CEP120: variants seen among roughly 807,000 people sequenced by gnomAD.
CEP120 encodes centrosomal protein 120.
CEP120 carries 113 observed loss-of-function variants against 126.5 expected under a neutral mutation model. That is an observed-to-expected ratio of 0.89 (90% CI 0.77 to 1.04). The LOEUF (loss-of-function observed/expected upper bound fraction) is 1.04, where lower values mean the gene tolerates loss of function less well. Ranked by LOEUF, CEP120 falls within the 50% of genes least tolerant of loss-of-function variation. The probability of loss-of-function intolerance (pLI) is 0.00; values close to 1 mark genes in which losing one functional copy is unlikely to be tolerated. For synonymous variants in CEP120, 400 were observed against 394.3 expected (o/e 1.01, Z -0.17); for missense variants, 1,230 against 1,155.7 (o/e 1.06, Z -0.93).
intron 15 of CEP120, among the ~76,000 whole-genome samples, chr5:123,377,943 A>G (rs1178518110): frequency 6.6e-6 from 1 of 152,144 alleles, no homozygotes; most frequent in Non-Finnish European, 1.5e-5. Context: ...ACACTCTGAC[A>G]TACTTTTCGA....
At chr5:123,372,552 A>G in intron 17 of CEP120, 98 bp downstream of exon 17, 1 of 1,225,404 alleles carries the variant, frequency 8.2e-7, no homozygotes, top group Non-Finnish European at 1.2e-6. Flanking sequence ...ACATCAGAAC[A>G]CTACAGCAAA....
At chr5:123,374,263 A>G (rs1771053472) in intron 16 of CEP120, among the ~76,000 whole-genome samples, 1 of 152,080 alleles carries the variant, frequency 6.6e-6, no homozygotes, top group African/African-American at 2.4e-5. Flanking sequence ...AAGAAGCTAA[A>G]TAATTGAGGC....
At chr5:123,386,785 T>A in intron 9 of CEP120, 118 bp from the exon 10 acceptor site, 1 of 749,702 alleles carries the variant, frequency 1.3e-6, no homozygotes. Context: ...TACAACTTTT[T>A]AATAGAAACA....
chr5:123,390,006 C>G lies in CEP120; in HGVS notation c.1173G>C (p.Gln391His), dbSNP rs1263466255. 6.2e-7 allele frequency: 1 copy of G among 1,614,102 alleles called. No individual in the cohort carries two copies. The highest frequency in any genetic ancestry group is 8.5e-7 in the Non-Finnish European group (1 of 1,180,004). The change falls in exon 8 of 20, where the codon CAG becomes CAC. Residue 391 changes from glutamine (Q) to histidine (H), a missense_variant. By Grantham distance (24) the Gln-to-His change is conservative. Coordinates refer to ENST00000306467, the MANE Select transcript of CEP120 (RefSeq NM_001375405.1). Reference protein sequence around the residue: ...PTVSPVPSHNQSPPTKDDATE... With the variant: ...PTVSPVPSHNHSPPTKDDATE... ...TTGCATCATCTTTTGTTGGAGGTGACTGGTTGTGAGATGGAACAGGGGACA... is the reference window on the plus strand; with the variant it reads ...TTGCATCATCTTTTGTTGGAGGTGAGTGGTTGTGAGATGGAACAGGGGACA...
At chr5:123,378,728 G>GAGGATGGAA (rs796317895) in intron 14 of CEP120, among the ~76,000 whole-genome samples, 71 of 152,176 alleles carry the variant, frequency 4.7e-4, no homozygotes, top group African/African-American at 1.7e-3. Context: ...TAAATTTACA[G>GAGGATGGAA]AGGATGGAAA....
At chr5:123,363,533 A>G (rs948680240) in intron 18 of CEP120, among the ~76,000 whole-genome samples, 4 of 151,496 alleles carry the variant, frequency 2.6e-5, no homozygotes, top group Admixed American at 2.6e-4. Context: ...CATTTATATA[A>G]TATAGTCACA....
At chr5:123,398,071 A>C (rs1309702160) in intron 5 of CEP120, among the ~76,000 whole-genome samples, 4 of 152,314 alleles carry the variant, frequency 2.6e-5, no homozygotes, top group South Asian at 2.1e-4. Flanking sequence ...GCAACAAAGA[A>C]AGACCTGTCT....
Position 123,378,386 on chromosome 5 carries a change from G to C in CEP120, c.2146C>G (p.Leu716Val). ...TILEGKLQKT[L>V]IDLEKREQQL... The stretch of plus-strand genomic sequence containing the variant: ...TGCTCTCGCTTCTCCAAGTCAATTA[G>C]AGTTTTTTGAAGTTTTCCTTCTAGA... Residue 716 changes from leucine to valine, a missense_variant, in exon 15 of 20, where the codon CTA (leucine) becomes GTA (valine). Coordinates refer to ENST00000306467, the MANE Select transcript of CEP120 (RefSeq NM_001375405.1). 6.2e-7 allele frequency: 1 copy of C among 1,600,674 alleles called. No homozygotes were observed. Among genetic ancestry groups the C allele is most frequent in the East Asian group, 2.3e-5 (1 of 44,116 alleles).
At chr5:123,415,556 C>T (rs1774330525) in intron 3 of CEP120, among the ~76,000 whole-genome samples, 1 of 152,180 alleles carries the variant, frequency 6.6e-6, no homozygotes, top group South Asian at 2.1e-4. Context: ...TTTTCTAAAT[C>T]TAATTCATAA....
At chr5:123,359,054 C>T (rs1769873375) in intron 18 of CEP120, among the ~76,000 whole-genome samples, 1 of 152,042 alleles carries the variant, frequency 6.6e-6, no homozygotes, top group Non-Finnish European at 1.5e-5. Context: ...TTTTCTTAAA[C>T]AAAGATTTAC....
chr5:123,368,380 G>A (rs933612836), intron 17 of CEP120, among the ~76,000 whole-genome samples: 5 of 151,858 alleles, frequency 3.3e-5, no homozygotes, highest in Non-Finnish European at 7.4e-5. Flanking sequence ...ATTTCTGGTA[G>A]GCACTACAGA....
intron 19 of CEP120, among the ~76,000 whole-genome samples, chr5:123,349,081 G>T (rs1769027105): frequency 6.6e-6 from 1 of 151,956 alleles, no homozygotes. Flanking sequence ...CCTCCAAAAA[G>T]ACTAGAATTC....
At chr5:123,418,595 G>C in intron 1 of CEP120, 80 bp from the exon 2 acceptor site, 2 of 1,255,778 alleles carry the variant, frequency 1.6e-6, no homozygotes, top group Middle Eastern at 2.1e-4. Flanking sequence ...TTTTTGTTTG[G>C]CTGGTTTTTT....
chr5:123,354,942 C>A (rs536161461), intron 18 of CEP120, among the ~76,000 whole-genome samples: 5 of 151,742 alleles, frequency 3.3e-5, no homozygotes, highest in Non-Finnish European at 7.4e-5. Context: ...CCACTCCCCC[C>A]ACCCCACAAC....
intron 18 of CEP120, among the ~76,000 whole-genome samples, chr5:123,361,873 G>A (rs1294797126): frequency 2.6e-5 from 4 of 151,716 alleles, no homozygotes; most frequent in Non-Finnish European, 5.9e-5. Context: ...AATAACCTGT[G>A]GAAGAAAATT....
intron 18 of CEP120, among the ~76,000 whole-genome samples, chr5:123,351,189 C>CT (rs1248679443): frequency 6.6e-6 from 1 of 152,166 alleles, no homozygotes; most frequent in Admixed American, 6.5e-5. Flanking sequence ...TCTGTGTCTC[C>CT]TCCCAGTCAC....
chr5:123,361,025 G>A (rs1028153994), intron 18 of CEP120, among the ~76,000 whole-genome samples: 1 of 83,066 alleles, frequency 1.2e-5, no homozygotes, highest in African/African-American at 4.8e-5. Flanking sequence ...TAATGACATT[G>A]TTTCAATAAT....
chr5:123,409,407 T>G (rs1773891602), intron 4 of CEP120, among the ~76,000 whole-genome samples: 1 of 151,970 alleles, frequency 6.6e-6, no homozygotes, highest in African/African-American at 2.4e-5. Context: ...AACATCATAC[T>G]TAGAGCCTTA....
chr5:123,401,706 G>A lies in CEP120; in HGVS notation c.464-2422C>T, dbSNP rs895418003. 1.8e-4 allele frequency: 243 copies of A among 1,371,350 alleles called. No homozygotes were observed. The Admixed American group carries it at 3.2e-3, about 18-fold the overall frequency. 84.9% of individuals were successfully genotyped at this position (1,371,350 alleles called of 1,614,324 possible). ...ATCTCATCAGTCAGCCCTTCCAGGC[G>A]AGACTCCAGCTCTACCTTGTTAATG... is the stretch of plus-strand genomic sequence containing the variant. On this transcript the variant is annotated intron_variant, in intron 4 of 19. Coordinates refer to ENST00000306467, the MANE Select transcript of CEP120 (RefSeq NM_001375405.1).
Sources: gnomAD v4.1 joint callset for allele counts (sites outside exome capture counted in the v4.1 genomes callset) on GRCh38, gnomAD v4.1.1 for gene constraint, MANE v1.5 for transcripts, NCBI Gene and HGNC (gene_info 2026-07-23, HGNC 2026-07-21) for gene names.